GALK2: variants seen among roughly 807,000 people sequenced by gnomAD.
The protein encoded by GALK2 is galactokinase 2, also known as N-acetylgalactosamine kinase.
GALK2 carries 36 observed loss-of-function variants against 52.4 expected under a neutral mutation model. That is an observed-to-expected ratio of 0.69 (90% CI 0.53 to 0.91). GALK2 has a LOEUF of 0.91. GALK2 is among the 40% of genes least tolerant of loss of function. The probability of loss-of-function intolerance (pLI) is 0.00; values close to 1 mark genes in which losing one functional copy is unlikely to be tolerated. For missense variants in GALK2, 579 were observed against 559.1 expected (o/e 1.04, Z -0.36); for synonymous variants, 176 against 199.1 (o/e 0.88, Z 0.98).
chr15:49,193,809 C>T (rs1041342051), intron 1 of GALK2: 2 of 151,622 alleles, frequency 1.3e-5, no homozygotes, highest in African/African-American at 4.8e-5. Flanking sequence ...CTCACGGCAA[C>T]CTGTGCCTTC....
At chr15:49,347,064 A>T (rs1176397103) in intron 3 of GALK2, among the ~76,000 whole-genome samples, 1 of 152,228 alleles carries the variant, frequency 6.6e-6, no homozygotes, top group East Asian at 1.9e-4. Flanking sequence ...AATGGCCTAG[A>T]ATTATATGTA....
At chr15:49,269,547 CTACA>C (rs1216550188) in intron 5 of GALK2, among the ~76,000 whole-genome samples, 3 of 152,210 alleles carry the variant, frequency 2.0e-5, no homozygotes, top group Non-Finnish European at 4.4e-5. Context: ...TTCAGCATTT[CTACA>C]TACATTTTCA....
At chr15:49,180,890 T>A (rs765346333) in intron 1 of GALK2, among the ~76,000 whole-genome samples, 4 of 152,160 alleles carry the variant, frequency 2.6e-5, no homozygotes, top group Admixed American at 2.0e-4. Context: ...TCATATCATA[T>A]TCTGTCATAG....
intron 1 of GALK2, among the ~76,000 whole-genome samples, chr15:49,190,520 T>G (rs997048595): frequency 2.0e-5 from 3 of 152,234 alleles, no homozygotes; most frequent in Non-Finnish European, 4.4e-5. Flanking sequence ...TATGTTCATT[T>G]TATATGTCAT....
intron 3 of GALK2, among the ~76,000 whole-genome samples, chr15:49,232,306 G>A (rs1227184594): frequency 1.3e-5 from 2 of 152,210 alleles, no homozygotes; most frequent in African/African-American, 2.4e-5. Flanking sequence ...GGAGGCAGAG[G>A]GGTCAGGATA....
intron 2 of GALK2, among the ~76,000 whole-genome samples, chr15:49,205,880 C>T (rs141689603): frequency 1.3e-4 from 20 of 152,198 alleles, no homozygotes. Context: ...AGGTTTAAGT[C>T]CTTAATCCAT....
chr15:49,345,149 C>T (rs1261318472), intron 3 of GALK2, among the ~76,000 whole-genome samples: 1 of 152,116 alleles, frequency 6.6e-6, no homozygotes, highest in Non-Finnish European at 1.5e-5. Flanking sequence ...ATGTATTTGT[C>T]ACTTTGAACA....
chr15:49,206,923 A>G (rs1348151232), intron 2 of GALK2, among the ~76,000 whole-genome samples: 6 of 152,180 alleles, frequency 3.9e-5, no homozygotes, highest in Non-Finnish European at 1.5e-5. Context: ...CCCAGTTCTC[A>G]GAGGGAATGC....
At chr15:49,191,713 A>G (rs1009709267) in intron 1 of GALK2, among the ~76,000 whole-genome samples, 6 of 152,278 alleles carry the variant, frequency 3.9e-5, no homozygotes, top group African/African-American at 1.4e-4. Flanking sequence ...TCTCTTCTGT[A>G]ACTTATAAGT....
At chr15:49,279,029 C>T (rs1167985632) in intron 5 of GALK2, among the ~76,000 whole-genome samples, 1 of 152,224 alleles carries the variant, frequency 6.6e-6, no homozygotes, top group Non-Finnish European at 1.5e-5. Context: ...CACTCACTAT[C>T]ATGAGAACAG....
upstream of GALK2, chr15:49,170,108 G>C: frequency 8.8e-7 from 1 of 1,138,872 alleles, no homozygotes; most frequent in Non-Finnish European, 1.2e-6. Context: ...GTACCTGACT[G>C]CTGCTTGGAG....
chr15:49,344,873 A>G (rs2041243102), intron 3 of GALK2, among the ~76,000 whole-genome samples: 1 of 152,172 alleles, frequency 6.6e-6, no homozygotes, highest in Non-Finnish European at 1.5e-5. Context: ...ACATCAAGTG[A>G]CTGAACATCT....
intron 3 of GALK2, among the ~76,000 whole-genome samples, chr15:49,356,816 T>C (rs1264228940): frequency 6.2e-4 from 49 of 79,340 alleles, no homozygotes; most frequent in African/African-American, 2.0e-3. Context: ...TATTCCAAAA[T>C]TGACCACATA....
At chr15:49,288,162 A>G (rs2033574156) in intron 7 of GALK2, among the ~76,000 whole-genome samples, 1 of 152,346 alleles carries the variant, frequency 6.6e-6, no homozygotes, top group Admixed American at 6.5e-5. Flanking sequence ...TTCATATTTT[A>G]CACACATTTG....
rs544513663 is a variant in GALK2 at position 49,355,004 on chromosome 15, C to T, written c.427-12487C>T. Among the ~76,000 whole-genome samples the T allele has an allele frequency of 4.9e-3, 733 of 150,616 alleles. 6 individuals are homozygous for T. The highest frequency in any genetic ancestry group is 0.016 in the African/African-American group (652 of 40,190). ...CACTGACACCTCACACGGCAGGGTA[C>T]TCCAACAGACCTGCAGCTGAGGGTC... is the stretch of plus-strand genomic sequence containing the variant. On this transcript the variant is annotated intron_variant, in intron 3 of 3. Transcript: ENST00000558399.
intron 5 of GALK2, 125 bp from the exon 6 acceptor site, chr15:49,281,862 C>A: frequency 3.2e-6 from 2 of 619,232 alleles, no homozygotes; most frequent in Admixed American, 3.0e-5. Flanking sequence ...GTGCTCCAGG[C>A]AGGCTACTAT....
In GALK2 at chr15:49,328,657, C is replaced by A; in HGVS notation, c.*498C>A. On this transcript the variant is annotated 3_prime_UTR_variant, in exon 10 of 10. Transcript: ENST00000560031. ...GATAGTGATGCCACACATTCTCTCT[C>A]AATTTCAGCTTCGGAACGCTATGAA... The A allele has an allele frequency of 6.4e-7, 1 of 1,568,904 alleles. No homozygotes were observed. Among genetic ancestry groups the A allele is most frequent in the Non-Finnish European group, 8.7e-7 (1 of 1,153,938 alleles).
At chr15:49,292,098 G>A (rs1190954870) in intron 7 of GALK2, among the ~76,000 whole-genome samples, 1 of 152,106 alleles carries the variant, frequency 6.6e-6, no homozygotes, top group Non-Finnish European at 1.5e-5. Flanking sequence ...GTGTGTGTGT[G>A]TGTGTTTCAG....
upstream of GALK2, among the ~76,000 whole-genome samples, chr15:49,165,965 G>A (rs766112090): frequency 4.0e-5 from 6 of 151,868 alleles, no homozygotes; most frequent in Non-Finnish European, 7.4e-5. Flanking sequence ...ACCACGCCCA[G>A]CTAATTTTTT....
Sources: gnomAD v4.1 joint callset for allele counts (sites outside exome capture counted in the v4.1 genomes callset) on GRCh38, gnomAD v4.1.1 for gene constraint, MANE v1.5 for transcripts, NCBI Gene and HGNC (gene_info 2026-07-23, HGNC 2026-07-21) for gene names.